Variants in ZNF469 observed in about 807,000 individuals in gnomAD.
ZNF469 encodes the protein zinc finger protein 469.
In ZNF469, 1 loss-of-function variant was observed where a neutral mutation model predicts 1.0. The ratio of observed to expected loss-of-function variants is 1.00; its 90% CI spans 0.35 to 4.73. The LOEUF is 4.73. Ranked by LOEUF, ZNF469 falls within the 30% of genes most tolerant of loss-of-function variation. ZNF469 has a pLI of 0.16. For missense variants in ZNF469, 6,100 were observed against 5,356.3 expected (o/e 1.14, Z -4.33); for synonymous variants, 2,703 against 2,363.4 (o/e 1.14, Z -4.17).
At chr16:88,240,530 T>C in the ZNF469 span, among the ~76,000 whole-genome samples, 1 of 152,026 alleles carries the variant, frequency 6.6e-6, no homozygotes, top group Non-Finnish European at 1.5e-5. Context: ...GAAAAGGGAA[T>C]GCACTAATAT....
the ZNF469 span, among the ~76,000 whole-genome samples, chr16:88,157,803 T>A: frequency 6.6e-6 from 1 of 151,956 alleles, no homozygotes; most frequent in East Asian, 1.9e-4. Flanking sequence ...GTCATTGTTA[T>A]ATGACCGTGC....
At chr16:88,376,461 C>G in the ZNF469 span, among the ~76,000 whole-genome samples, 1 of 152,250 alleles carries the variant, frequency 6.6e-6, no homozygotes, top group Admixed American at 6.5e-5. Context: ...CTGCCCCAGG[C>G]ACTGCCATTC....
At chr16:88,325,867 T>G in the ZNF469 span, among the ~76,000 whole-genome samples, 36 of 152,222 alleles carry the variant, frequency 2.4e-4, no homozygotes, top group Non-Finnish European at 4.4e-4. Flanking sequence ...GGCAGAAGGA[T>G]CGGTGCTCTG....
chr16:88,189,576 G>T, the ZNF469 span, among the ~76,000 whole-genome samples: 1 of 152,314 alleles, frequency 6.6e-6, no homozygotes, highest in African/African-American at 2.4e-5. The surrounding 1 kb of genome is among the most constrained non-coding windows in gnomAD (Gnocchi z 4.3). Context: ...GTTGGGTGCT[G>T]GGGAAACGCT....
the ZNF469 span, among the ~76,000 whole-genome samples, chr16:88,190,243 G>C: frequency 1.3e-5 from 2 of 152,314 alleles, no homozygotes; most frequent in African/African-American, 4.8e-5. Context: ...TCACAGGAGT[G>C]GGGTAGACCA....
At chr16:88,348,369 C>T in the ZNF469 span, among the ~76,000 whole-genome samples, 1 of 152,324 alleles carries the variant, frequency 6.6e-6, no homozygotes, top group South Asian at 2.1e-4. Flanking sequence ...TCATAAGATT[C>T]AGGGCCCCAC....
the ZNF469 span, among the ~76,000 whole-genome samples, chr16:88,208,779 G>GCACACACACACACA: frequency 3.1e-4 from 42 of 133,800 alleles, no homozygotes; most frequent in South Asian, 5.4e-4. Context: ...GCGTGCGCGC[G>GCACACACACACACA]CACACACACA....
the ZNF469 span, among the ~76,000 whole-genome samples, chr16:88,214,200 G>A: frequency 1.3e-5 from 2 of 152,198 alleles, no homozygotes; most frequent in African/African-American, 4.8e-5. Flanking sequence ...AAAGAGGATA[G>A]GATACCCCCC....
At chr16:88,231,706 GC>G in the ZNF469 span, among the ~76,000 whole-genome samples, 2 of 151,966 alleles carry the variant, frequency 1.3e-5, no homozygotes, top group African/African-American at 4.8e-5. The surrounding 1 kb of genome is among the most constrained non-coding windows in gnomAD (Gnocchi z 4.5). Flanking sequence ...CCTCCTGTGA[GC>G]CCCCCGCCTC....
chr16:88,336,983 C>T, the ZNF469 span, among the ~76,000 whole-genome samples: 9 of 152,342 alleles, frequency 5.9e-5, no homozygotes, highest in African/African-American at 1.4e-4. Flanking sequence ...CACTCGGCCC[C>T]GTGTTTTCAA....
the ZNF469 span, among the ~76,000 whole-genome samples, chr16:88,120,926 C>T: frequency 4.6e-5 from 7 of 152,188 alleles, no homozygotes; most frequent in Non-Finnish European, 8.8e-5. Context: ...TGGTCCTCAG[C>T]CATGCGGCGT....
the ZNF469 span, among the ~76,000 whole-genome samples, chr16:88,104,292 T>C: frequency 6.7e-6 from 1 of 150,336 alleles, no homozygotes. Context: ...TGAGATACGC[T>C]TCACATACCA....
At chr16:88,129,635 C>G in the ZNF469 span, among the ~76,000 whole-genome samples, 1 of 152,202 alleles carries the variant, frequency 6.6e-6, no homozygotes, top group Non-Finnish European at 1.5e-5. Context: ...AGGAGGATTA[C>G]TTGAGCCCAA....
chr16:88,228,486 G>A, the ZNF469 span, among the ~76,000 whole-genome samples: 2 of 152,234 alleles, frequency 1.3e-5, no homozygotes, highest in Admixed American at 1.3e-4. Context: ...CACGGCAATG[G>A]TGGTTTACTC....
At chr16:88,206,260 C>A in the ZNF469 span, among the ~76,000 whole-genome samples, 1 of 152,222 alleles carries the variant, frequency 6.6e-6, no homozygotes, top group Non-Finnish European at 1.5e-5. Flanking sequence ...GTCCCGGCCC[C>A]TCTCCTGGGG....
chr16:88,363,179 C>A, the ZNF469 span, among the ~76,000 whole-genome samples: 1 of 152,148 alleles, frequency 6.6e-6, no homozygotes, highest in Non-Finnish European at 1.5e-5. Context: ...TGATTCTAGC[C>A]CCCAGGTCAT....
At chr16:88,113,080 C>CT in the ZNF469 span, among the ~76,000 whole-genome samples, 1 of 152,128 alleles carries the variant, frequency 6.6e-6, no homozygotes, top group Non-Finnish European at 1.5e-5. Flanking sequence ...GCCTGGCCTG[C>CT]TGTGCAGAAG....
At chr16:88,288,270 CAGT>C in the ZNF469 span, among the ~76,000 whole-genome samples, 1,095 of 152,286 alleles carry the variant, frequency 7.2e-3, 16 homozygotes, top group African/African-American at 0.025. Flanking sequence ...AGCATGCCCC[CAGT>C]AGCTTTGTGA....
At chr16:88,283,957 C>T in the ZNF469 span, among the ~76,000 whole-genome samples, 60 of 113,156 alleles carry the variant, frequency 5.3e-4, 5 homozygotes, top group African/African-American at 1.9e-3. Flanking sequence ...CCCCAGTGTG[C>T]CCAAGGTCTG....
Sources: gnomAD v4.1 joint callset for allele counts (sites outside exome capture counted in the v4.1 genomes callset) on GRCh38, gnomAD v4.1.1 for gene constraint, Gnocchi (gnomAD v3.1) non-coding constraint, MANE v1.5 for transcripts, NCBI Gene and HGNC (gene_info 2026-07-23, HGNC 2026-07-21) for gene names.